N4BP2: variants seen among roughly 807,000 people sequenced by gnomAD.
The protein encoded by N4BP2 is NEDD4 binding protein 2, also known as NEDD4-binding protein 2.
Under a neutral mutation model 152.8 loss-of-function variants are expected in N4BP2, and 91 were observed. That is an observed-to-expected ratio of 0.60 (90% CI 0.50 to 0.71). The LOEUF (loss-of-function observed/expected upper bound fraction) is 0.71. Ranked by LOEUF, N4BP2 falls within the 30% of genes least tolerant of loss-of-function variation. The probability of loss-of-function intolerance (pLI) is 0.00; values close to 1 mark genes in which losing one functional copy is unlikely to be tolerated. For missense variants in N4BP2, 1,923 were observed against 2,059.1 expected, an observed-to-expected ratio of 0.93 and a Z score of 1.28; for synonymous variants, 646 against 705.3, an observed-to-expected ratio of 0.92 and a Z score of 1.33.
chr4:40,180,736 G>A, the N4BP2 span, among the ~76,000 whole-genome samples: 14 of 152,296 alleles, frequency 9.2e-5, no homozygotes, highest in African/African-American at 2.6e-4. Flanking sequence ...CTATTATGTT[G>A]CTATTAAAGG....
intron 2 of N4BP2, among the ~76,000 whole-genome samples, chr4:40,092,624 T>C (rs1714713844): frequency 6.7e-6 from 1 of 149,912 alleles, no homozygotes; most frequent in South Asian, 2.1e-4. Context: ...CCAATGTTTG[T>C]TATCTGCTAT....
At position 40,089,436 on chromosome 4, in the gene N4BP2, T is replaced by TC. The variant is rs1407196207; in HGVS notation, c.-114-7791_-114-7790insC. 4.3e-3 allele frequency among the ~76,000 whole-genome samples: 210 copies of TC among 48,930 alleles called. 1 individual carries two copies. Among genetic ancestry groups the TC allele is most frequent in the African/African-American group, 0.015 (196 of 13,212 alleles). 32.1% of individuals were successfully genotyped at this position (48,930 alleles called of 152,430 possible). On this transcript the variant is annotated intron_variant, in intron 2 of 17. Coordinates refer to ENST00000261435, the MANE Select transcript of N4BP2 (RefSeq NM_018177.6). ...TGAACTATAATTTATCAGTTTTGCC[T>TC]TTTTTTTTTTTTTTTTTTGAGTCAT...
chr4:40,183,559 A>T, the N4BP2 span, among the ~76,000 whole-genome samples: 1 of 152,054 alleles, frequency 6.6e-6, no homozygotes, highest in African/African-American at 2.4e-5. Context: ...GATGGTCTCG[A>T]CCTTCTGACC....
chr4:40,096,409 T>G (rs1437614730), intron 2 of N4BP2, among the ~76,000 whole-genome samples: 1 of 152,090 alleles, frequency 6.6e-6, no homozygotes, highest in African/African-American at 2.4e-5. Context: ...AGAACATTGC[T>G]GGTGTGTTTG....
chr4:40,115,853 T>G (rs1312424500), intron 7 of N4BP2, among the ~76,000 whole-genome samples: 1 of 152,200 alleles, frequency 6.6e-6, no homozygotes, highest in Non-Finnish European at 1.5e-5. Context: ...TAAATCATGC[T>G]TATTGTTACT....
At chr4:40,078,300 G>T (rs999407474) in intron 2 of N4BP2, among the ~76,000 whole-genome samples, 2 of 151,922 alleles carry the variant, frequency 1.3e-5, no homozygotes, top group Non-Finnish European at 2.9e-5. Flanking sequence ...ACCATGGCCG[G>T]CTACTTTTTG....
downstream of N4BP2, among the ~76,000 whole-genome samples, chr4:40,162,452 CTG>C (rs1202608244): frequency 6.6e-6 from 1 of 152,020 alleles, no homozygotes; most frequent in Admixed American, 6.6e-5. Flanking sequence ...GAGTGAGACT[CTG>C]TCTCAAAAAA....
rs780859612 is a variant in N4BP2 at position 40,102,753 on chromosome 4, C to T, written c.908C>T (p.Pro303Leu). ...TTAAACCTTCCAGGGCTTGATTTAC[C>T]AGGTACAGGTGGGGATCAGAAATCT... ...ACLNLPGLDL[P>L]GTGGDQKSTR... is the part of the protein sequence containing the mutation. The change falls in exon 4 of 18, where the codon CCA becomes CTA. Residue 303 changes from proline to leucine, a missense_variant. Coordinates refer to ENST00000261435, the MANE Select transcript of N4BP2 (RefSeq NM_018177.6). The T allele has an allele frequency of 1.2e-6, 2 of 1,614,126 alleles. No homozygotes were observed. Among genetic ancestry groups the T allele is most frequent in the South Asian group, 2.2e-5 (2 of 91,082 alleles).
intron 5 of N4BP2, among the ~76,000 whole-genome samples, chr4:40,107,876 G>C (rs1716473591): frequency 6.6e-6 from 1 of 151,558 alleles, no homozygotes; most frequent in Non-Finnish European, 1.5e-5. Context: ...CTAATTTTCT[G>C]CTTGGGTCTC....
At chr4:40,136,372 A>G (rs959896631) in intron 13 of N4BP2, among the ~76,000 whole-genome samples, 5 of 137,632 alleles carry the variant, frequency 3.6e-5, no homozygotes, top group African/African-American at 7.8e-5. Flanking sequence ...CTATCTATCT[A>G]TCTATCTATC....
the N4BP2 span, among the ~76,000 whole-genome samples, chr4:40,175,213 G>A: frequency 1.3e-5 from 2 of 151,782 alleles, no homozygotes; most frequent in Non-Finnish European, 2.9e-5. Context: ...GGTAAAGACA[G>A]GGTCTCGGTG....
chr4:40,175,684 T>C, the N4BP2 span, among the ~76,000 whole-genome samples: 1 of 151,406 alleles, frequency 6.6e-6, no homozygotes, highest in Non-Finnish European at 1.5e-5. Context: ...GGCGGGCGCC[T>C]GTGGTCCCAG....
In N4BP2 at chr4:40,156,414, A is replaced by T. The variant is rs1222841377; in HGVS notation, c.*2177A>T. 6.6e-6 allele frequency: 1 copy of T among 152,198 alleles called. No homozygotes were observed. 9.4% of individuals were successfully genotyped at this position (152,198 alleles called of 1,614,324 possible). A position where few individuals can be genotyped will look rare whatever the true frequency, so the allele number is the denominator to read the frequency against. ...ATTATGCCTTATTTTGATAAATCAA[A>T]TAGTATATCTTAATCATTGTTGATA... On this transcript the variant is annotated 3_prime_UTR_variant, in exon 18 of 18. Transcript: ENST00000261435.
At chr4:40,152,657 G>C in intron 16 of N4BP2, 123 bp from the exon 17 acceptor site, 1 of 985,424 alleles carries the variant, frequency 1.0e-6, no homozygotes, top group South Asian at 1.6e-5. Context: ...TTACAGTTTT[G>C]AGATGGCAAA....
At chr4:40,173,587 G>A in the N4BP2 span, among the ~76,000 whole-genome samples, 1 of 152,146 alleles carries the variant, frequency 6.6e-6, no homozygotes, top group African/African-American at 2.4e-5. Flanking sequence ...AGGGAAATAC[G>A]CTCTGTGCAA....
intron 16 of N4BP2, among the ~76,000 whole-genome samples, chr4:40,147,203 T>A (rs927835689): frequency 2.0e-5 from 3 of 150,858 alleles, no homozygotes; most frequent in Non-Finnish European, 3.0e-5. Flanking sequence ...ACACAGCACA[T>A]GTTTCAGAGA....
At chr4:40,058,415 G>A (rs1733391583) in intron 1 of N4BP2, among the ~76,000 whole-genome samples, 1 of 152,146 alleles carries the variant, frequency 6.6e-6, no homozygotes, top group African/African-American at 2.4e-5. Context: ...TTTAAGTGCC[G>A]TGCTAGGATG....
chr4:40,150,667 T>C (rs1721066028), intron 16 of N4BP2, among the ~76,000 whole-genome samples: 1 of 93,718 alleles, frequency 1.1e-5, no homozygotes, highest in African/African-American at 4.0e-5. Flanking sequence ...TGAGACTCTG[T>C]CTCAGGGGGA....
chr4:40,071,483 C>T (rs1415877291), intron 1 of N4BP2, among the ~76,000 whole-genome samples: 3 of 152,198 alleles, frequency 2.0e-5, no homozygotes, highest in Admixed American at 2.0e-4. Flanking sequence ...AGAACCTGAT[C>T]ATTTCATTAT....
Sources: gnomAD v4.1 joint callset for allele counts (sites outside exome capture counted in the v4.1 genomes callset) on GRCh38, gnomAD v4.1.1 for gene constraint, MANE v1.5 for transcripts, NCBI Gene and HGNC (gene_info 2026-07-23, HGNC 2026-07-21) for gene names.